AKAP19: variants seen among roughly 807,000 people sequenced by gnomAD.
The protein encoded by AKAP19 is small A-kinase anchoring protein.
chr2:190,200,320 G>A, the AKAP19 span: 6 of 618,354 alleles, frequency 9.7e-6, no homozygotes, highest in Admixed American at 3.0e-5. Context: ...GTACTTCTAT[G>A]TTAACAGCAA....
the AKAP19 span, among the ~76,000 whole-genome samples, chr2:190,076,866 C>T: frequency 2.0e-5 from 3 of 152,106 alleles, no homozygotes; most frequent in Non-Finnish European, 4.4e-5. Context: ...ATATTTTTCT[C>T]CCCTCATCAT....
chr2:190,060,946 C>A, the AKAP19 span, among the ~76,000 whole-genome samples: 1 of 152,116 alleles, frequency 6.6e-6, no homozygotes, highest in South Asian at 2.1e-4. Flanking sequence ...ACATCTGTTA[C>A]ATTTTGGCTT....
At chr2:190,202,640 T>G in the AKAP19 span, 1 of 167,020 alleles carries the variant, frequency 6.0e-6, no homozygotes, top group Non-Finnish European at 1.5e-5. Flanking sequence ...GTAGAAGGAC[T>G]GTCTGAGAAG....
chr2:190,091,547 A>AACACACACACACAC, the AKAP19 span, among the ~76,000 whole-genome samples: 8,958 of 150,442 alleles, frequency 0.06, 448 homozygotes, highest in African/African-American at 0.13. Flanking sequence ...TCTTTTGTTA[A>AACACACACACACAC]ACACACACAC....
At chr2:190,009,835 G>A in the AKAP19 span, among the ~76,000 whole-genome samples, 10 of 151,742 alleles carry the variant, frequency 6.6e-5, no homozygotes, top group South Asian at 2.1e-3. Flanking sequence ...ATGGGGAGAA[G>A]GCAAAAAGGC....
At chr2:190,112,107 C>A in the AKAP19 span, among the ~76,000 whole-genome samples, 2 of 152,132 alleles carry the variant, frequency 1.3e-5, no homozygotes, top group African/African-American at 2.4e-5. Flanking sequence ...CTGTGTTAGC[C>A]AGGATCAACA....
the AKAP19 span, among the ~76,000 whole-genome samples, chr2:190,109,225 T>C: frequency 6.6e-6 from 1 of 152,208 alleles, no homozygotes; most frequent in East Asian, 1.9e-4. Context: ...TTTGTGTTAA[T>C]GAAGCATTTC....
chr2:190,042,593 A>G, the AKAP19 span, among the ~76,000 whole-genome samples: 2 of 151,838 alleles, frequency 1.3e-5, no homozygotes, highest in Non-Finnish European at 1.5e-5. Flanking sequence ...TAATTCTTTC[A>G]GTTGTGAAGT....
At chr2:189,902,113 T>A in the AKAP19 span, among the ~76,000 whole-genome samples, 2 of 151,906 alleles carry the variant, frequency 1.3e-5, no homozygotes, top group Non-Finnish European at 2.9e-5. Flanking sequence ...AATTTTAATA[T>A]CTCATAGGGC....
chr2:190,085,409 A>G, the AKAP19 span, among the ~76,000 whole-genome samples: 969 of 152,334 alleles, frequency 6.4e-3, 17 homozygotes, highest in African/African-American at 0.022. Flanking sequence ...TGTGAGAAAT[A>G]CGAGATCAGT....
At chr2:190,122,254 G>C in the AKAP19 span, among the ~76,000 whole-genome samples, 6 of 152,200 alleles carry the variant, frequency 3.9e-5, no homozygotes, top group Non-Finnish European at 5.9e-5. Flanking sequence ...GAATGAACAG[G>C]CAGAAGTCCA....
the AKAP19 span, among the ~76,000 whole-genome samples, chr2:190,071,731 T>C: frequency 6.6e-6 from 1 of 152,128 alleles, no homozygotes; most frequent in Non-Finnish European, 1.5e-5. Context: ...ATTAAAAATT[T>C]CTAAATTAAA....
chr2:190,018,047 G>T, the AKAP19 span, among the ~76,000 whole-genome samples: 1 of 152,020 alleles, frequency 6.6e-6, no homozygotes, highest in African/African-American at 2.4e-5. Context: ...TATATGATAT[G>T]TTTCTTATCT....
At chr2:190,182,527 T>A in the AKAP19 span, among the ~76,000 whole-genome samples, 1 of 152,194 alleles carries the variant, frequency 6.6e-6, no homozygotes, top group Non-Finnish European at 1.5e-5. Flanking sequence ...ATTAATAATA[T>A]TAATAAAGTA....
chr2:190,162,069 C>T, the AKAP19 span, among the ~76,000 whole-genome samples: 2,171 of 152,062 alleles, frequency 0.014, 53 homozygotes, highest in African/African-American at 0.049. Flanking sequence ...CATTTAAATC[C>T]GGAGAATACC....
the AKAP19 span, among the ~76,000 whole-genome samples, chr2:189,912,393 T>G: frequency 1.3e-5 from 2 of 152,030 alleles, no homozygotes; most frequent in African/African-American, 4.8e-5. Flanking sequence ...ATACAAAAAT[T>G]AGCTGGGCAT....
chr2:189,996,459 G>T, the AKAP19 span, among the ~76,000 whole-genome samples: 1 of 151,346 alleles, frequency 6.6e-6, no homozygotes, highest in Non-Finnish European at 1.5e-5. Flanking sequence ...TTTTCTTCAT[G>T]GTATCTATTT....
At chr2:189,919,347 T>C in the AKAP19 span, among the ~76,000 whole-genome samples, 1 of 152,224 alleles carries the variant, frequency 6.6e-6, no homozygotes, top group Non-Finnish European at 1.5e-5. Context: ...ATAGTGGATG[T>C]ACCAAATGTT....
the AKAP19 span, among the ~76,000 whole-genome samples, chr2:190,141,982 G>A: frequency 2.0e-5 from 3 of 152,190 alleles, no homozygotes; most frequent in South Asian, 2.1e-4. Context: ...AAAGTCCTCA[G>A]GCATGTGCAG....
Sources: allele counts gnomAD v4.1 joint callset (sites outside exome capture counted in the v4.1 genomes callset), GRCh38; gene constraint gnomAD v4.1.1; transcripts MANE v1.5; gene names NCBI Gene and HGNC (gene_info 2026-07-23, HGNC 2026-07-21).